The following PCDHGB1 variants were observed in gnomAD, a reference collection of about 807,000 sequenced individuals.
PCDHGB1 encodes protocadherin gamma subfamily B, 1.
A neutral mutation model predicts 56.6 loss-of-function variants in PCDHGB1; 34 were observed. The ratio of observed to expected loss-of-function variants is 0.60; its 90% CI spans 0.46 to 0.80. The LOEUF (loss-of-function observed/expected upper bound fraction) is 0.80, where lower values mean the gene tolerates loss of function less well. PCDHGB1 is among the 30% of genes least tolerant of loss of function. The pLI is 0.00. For missense variants in PCDHGB1, 1,278 were observed against 1,204.6 expected (o/e 1.06, Z -0.90); for synonymous variants, 561 against 505.9 (o/e 1.11, Z -1.46).
rs1160654712 is a variant in PCDHGB1, at chr5:141,360,146, G to A, written c.2409+7477G>A. Reference sequence around the variant, plus strand: ...AAAGGGAGCCAGAAGATGAAAGCGAGCTCAGGGAGGTGCGGGCTGGTGCGG... The same window carrying A: ...AAAGGGAGCCAGAAGATGAAAGCGAACTCAGGGAGGTGCGGGCTGGTGCGG... On this transcript the variant is annotated intron_variant, in intron 1 of 3. Coordinates refer to ENST00000523390, the MANE Select transcript of PCDHGB1 (RefSeq NM_018922.3). 12 of 1,600,736 alleles carry A rather than the reference G, an allele frequency of 7.5e-6. No homozygotes were observed. The East Asian group carries it at 1.4e-4, about 18-fold the overall frequency.
At chr5:141,460,961 A>ATG (rs35821115) in intron 1 of PCDHGB1, among the ~76,000 whole-genome samples, 128 of 144,610 alleles carry the variant, frequency 8.9e-4, no homozygotes, top group Middle Eastern at 7.1e-3. Context: ...GTATATATAT[A>ATG]TGTGTGTGTG....
chr5:141,422,421 T>C, intron 1 of PCDHGB1: 1 of 1,607,810 alleles, frequency 6.2e-7, no homozygotes, highest in Non-Finnish European at 8.5e-7. Context: ...TAGAAAAGAC[T>C]TATGGAAATT....
Position 141,352,606 on chromosome 5 carries a change from T to C in PCDHGB1, c.2346T>C (p.Ser782=), listed in dbSNP as rs1366589335. ...PPQDLLCDDP[S]MVVCASNEDH... is the part of the protein sequence containing the mutation. Reference sequence around the variant, plus strand: ...AGGATCTGCTGTGTGATGATCCTTCTATGGTTGTATGTGCCAGTAATGAAG... The same window carrying C: ...AGGATCTGCTGTGTGATGATCCTTCCATGGTTGTATGTGCCAGTAATGAAG... The change falls in exon 1 of 4, where the codon TCT becomes TCC. Residue 782 remains serine, a synonymous_variant. Coordinates refer to ENST00000523390, the MANE Select transcript of PCDHGB1 (RefSeq NM_018922.3). 1 of 1,613,482 alleles carries C rather than the reference T, an allele frequency of 6.2e-7. No individual in the cohort carries two copies. The highest frequency in any genetic ancestry group is 1.3e-5 in the African/African-American group (1 of 75,046).
At chr5:141,404,600 CTG>C (rs2094545529) in intron 1 of PCDHGB1, 2 of 1,613,938 alleles carry the variant, frequency 1.2e-6, no homozygotes, top group Non-Finnish European at 1.7e-6. Context: ...GTCATTGAGA[CTG>C]TTTGTTTTGG....
intron 1 of PCDHGB1, chr5:141,364,607 G>C (rs775025025): frequency 1.9e-6 from 3 of 1,614,080 alleles, no homozygotes; most frequent in African/African-American, 2.7e-5. Flanking sequence ...GATAGACCGG[G>C]AGGAGCTCTG....
intron 1 of PCDHGB1, chr5:141,362,723 G>T (rs1762653397): frequency 2.3e-6 from 2 of 865,892 alleles, no homozygotes; most frequent in Admixed American, 5.9e-5. Flanking sequence ...TCTCTGAAGT[G>T]TGAGATTTAT....
intron 1 of PCDHGB1, chr5:141,405,363 C>G (rs765508317): frequency 5.0e-6 from 8 of 1,613,808 alleles, no homozygotes; most frequent in Non-Finnish European, 6.8e-6. Context: ...ATAGAAGACA[C>G]CCCTTTGGTT....
At chr5:141,393,515 T>C in intron 1 of PCDHGB1, 2 of 1,613,990 alleles carry the variant, frequency 1.2e-6, no homozygotes, top group Non-Finnish European at 1.7e-6. Context: ...CAGTGTTGGA[T>C]ACAAATGACA....
chr5:141,364,567 G>A (rs1034975661), intron 1 of PCDHGB1: 6 of 1,614,130 alleles, frequency 3.7e-6, no homozygotes, highest in Non-Finnish European at 5.1e-6. Flanking sequence ...CCCTGAACCC[G>A]CGAAGCGGCA....
rs1454432396 is a variant in PCDHGB1 at position 141,388,086 on chromosome 5, G to T, written c.2409+35417G>T. 2.9e-6 allele frequency: 4 copies of T among 1,368,264 alleles called. No individual in the cohort carries two copies. Among genetic ancestry groups the T allele is most frequent in the Admixed American group, 2.0e-5 (1 of 48,944 alleles). The allele number at this position is 1,368,264 out of a possible 1,614,324, so 84.8% of individuals were successfully genotyped here. On this transcript the variant is annotated intron_variant, in intron 1 of 3. Coordinates refer to ENST00000523390, the MANE Select transcript of PCDHGB1 (RefSeq NM_018922.3). ...GGAGTTACCGACTCGAAAACTGCGCGTCAGTTCGGAGAAGCCTTACTTCAC... is the reference window on the plus strand; with the variant it reads ...GGAGTTACCGACTCGAAAACTGCGCTTCAGTTCGGAGAAGCCTTACTTCAC...
chr5:141,372,219 G>C, intron 1 of PCDHGB1: 5 of 1,613,542 alleles, frequency 3.1e-6, no homozygotes, highest in Non-Finnish European at 4.2e-6. Flanking sequence ...CTACCACATT[G>C]TGCAGGCCAG....
At chr5:141,391,707 C>T (rs1004180070) in intron 1 of PCDHGB1, 1 of 152,154 alleles carries the variant, frequency 6.6e-6, no homozygotes, top group African/African-American at 2.4e-5. Context: ...CCAGGCTGGT[C>T]TTGAAGGGAA....
intron 1 of PCDHGB1, chr5:141,372,467 C>T: frequency 6.2e-7 from 1 of 1,614,050 alleles, no homozygotes; most frequent in Non-Finnish European, 8.5e-7. Flanking sequence ...TACAGTTTCA[C>T]CTAGTAGTGG....
intron 1 of PCDHGB1, 91 bp from the exon 2 acceptor site, chr5:141,494,716 C>T (rs1448674271): frequency 3.7e-6 from 6 of 1,604,970 alleles, no homozygotes; most frequent in East Asian, 4.5e-5. Flanking sequence ...TGCCCACTCC[C>T]CTCCTTCTCT....
At chr5:141,393,143 T>G in intron 1 of PCDHGB1, 1 of 1,613,290 alleles carries the variant, frequency 6.2e-7, no homozygotes, top group Non-Finnish European at 8.5e-7. Context: ...ACACCCTGGT[T>G]GAGGATAAAG....
At chr5:141,470,037 G>C (rs76537989) in intron 1 of PCDHGB1, among the ~76,000 whole-genome samples, 14 of 152,138 alleles carry the variant, frequency 9.2e-5, no homozygotes, top group Non-Finnish European at 1.5e-4. Flanking sequence ...GCTGAGGCGC[G>C]AGAACTGTTT....
At chr5:141,371,281 G>A in intron 1 of PCDHGB1, 1 of 1,614,034 alleles carries the variant, frequency 6.2e-7, no homozygotes, top group Non-Finnish European at 8.5e-7. Context: ...AAGCTGGACA[G>A]TAAAACGGGG....
At chr5:141,465,922 T>A (rs7704812) in intron 1 of PCDHGB1, among the ~76,000 whole-genome samples, 42,795 of 151,826 alleles carry the variant, frequency 0.28, 6,697 homozygotes, top group African/African-American at 0.42. Flanking sequence ...GGATTTCGAG[T>A]CCATCCTGGC....
At chr5:141,370,833 C>T (rs1305609320) in intron 1 of PCDHGB1, 4 of 1,613,946 alleles carry the variant, frequency 2.5e-6, no homozygotes, top group Non-Finnish European at 8.5e-7. Context: ...CGAACTGGCT[C>T]TCACTGGAGC....
Sources: allele counts gnomAD v4.1 joint callset (sites outside exome capture counted in the v4.1 genomes callset), GRCh38; gene constraint gnomAD v4.1.1; transcripts MANE v1.5; gene names NCBI Gene and HGNC (gene_info 2026-07-23, HGNC 2026-07-21).